The following ZRANB3 variants were observed in gnomAD, a reference collection of about 807,000 sequenced individuals.
ZRANB3 encodes zinc finger RANBP2-type containing 3.
In ZRANB3, 125 loss-of-function variants were observed where a neutral mutation model predicts 133.8. The observed-to-expected ratio is 0.93, with a 90% CI of 0.81 to 1.08. The LOEUF (loss-of-function observed/expected upper bound fraction) is 1.08, where lower values mean the gene tolerates loss of function less well. ZRANB3 is among the 50% of genes least tolerant of loss of function. The pLI is 0.00. For synonymous variants in ZRANB3, 387 were observed against 432.7 expected (o/e 0.89, Z 1.31); for missense variants, 1,229 against 1,275.5 (o/e 0.96, Z 0.56).
chr2:135,525,667 G>T (rs1453237681), intron 1 of ZRANB3, among the ~76,000 whole-genome samples: 1 of 152,066 alleles, frequency 6.6e-6, no homozygotes, highest in Non-Finnish European at 1.5e-5. Context: ...GGCCAACATG[G>T]CGAAACCCCG....
chr2:135,462,582 C>CCT (rs746297328), intron 2 of ZRANB3, among the ~76,000 whole-genome samples: 4 of 149,262 alleles, frequency 2.7e-5, no homozygotes, highest in Non-Finnish European at 4.4e-5. Context: ...TTCCTCCCTC[C>CCT]CTCTCTCTCT....
rs143744900 is a variant in ZRANB3 at position 135,226,209 on chromosome 2, C to A, written c.2158+1603G>T. ...ATCAGCTATATTAGGGAACATATTT[C>A]TCTTTTCAGTGTTGCCATGAAGTGT... On this transcript the variant is annotated intron_variant, in intron 14 of 20. Transcript: ENST00000264159. Among the ~76,000 whole-genome samples, 11 of 152,262 alleles carry A rather than the reference C, an allele frequency of 7.2e-5. No homozygotes were observed. In the East Asian group the frequency reaches 1.3e-3, roughly 19 times the overall value.
rs1687995543 is a variant in ZRANB3, at chr2:135,405,888, C to A, written c.162-15068G>T. Among the ~76,000 whole-genome samples, 4 of 152,092 alleles carry A rather than the reference C, an allele frequency of 2.6e-5. No individual in the cohort carries two copies. The South Asian group carries it at 8.3e-4, about 32-fold the overall frequency. ...AAGCAGGAAAGATCTAAAATTGACA[C>A]CCTAACATCACAATTAAAAGAAGTA... On this transcript the variant is annotated intron_variant, in intron 2 of 20. Coordinates refer to ENST00000264159, the MANE Select transcript of ZRANB3 (RefSeq NM_032143.4).
intron 8 of ZRANB3, among the ~76,000 whole-genome samples, chr2:135,280,526 C>A (rs1681054058): frequency 6.6e-6 from 1 of 152,034 alleles, no homozygotes; most frequent in East Asian, 1.9e-4. Flanking sequence ...GAGATCACAC[C>A]ATTGCACTCC....
intron 1 of ZRANB3, among the ~76,000 whole-genome samples, chr2:135,514,216 G>C (rs1693601976): frequency 6.6e-6 from 1 of 152,152 alleles, no homozygotes; most frequent in African/African-American, 2.4e-5. Context: ...CATTGAATCT[G>C]TAAGTTACTT....
intron 6 of ZRANB3, among the ~76,000 whole-genome samples, chr2:135,331,529 T>C (rs1337305233): frequency 6.6e-6 from 1 of 152,194 alleles, no homozygotes; most frequent in Admixed American, 6.6e-5. Context: ...AGAATGTATA[T>C]TCTGTTGATT....
intron 2 of ZRANB3, among the ~76,000 whole-genome samples, chr2:135,400,256 A>AAAAT (rs148153663): frequency 1.1e-3 from 172 of 151,846 alleles, no homozygotes; most frequent in Non-Finnish European, 1.5e-3. Flanking sequence ...AGTAATAATA[A>AAAAT]AAATAAATAA....
At chr2:135,486,664 C>A (rs1692137859) in intron 2 of ZRANB3, among the ~76,000 whole-genome samples, 1 of 152,130 alleles carries the variant, frequency 6.6e-6, no homozygotes, top group South Asian at 2.1e-4. Context: ...CAGGTGGTTG[C>A]CAGCATGCCT....
chr2:135,210,646 A>G (rs1694058704), intron 17 of ZRANB3, among the ~76,000 whole-genome samples: 1 of 150,806 alleles, frequency 6.6e-6, no homozygotes, highest in Non-Finnish European at 1.5e-5. Flanking sequence ...GAAATAGTTT[A>G]TTTTTGGCCT....
At chr2:135,294,842 A>G (rs927099734) in intron 8 of ZRANB3, among the ~76,000 whole-genome samples, 2 of 152,010 alleles carry the variant, frequency 1.3e-5, no homozygotes, top group African/African-American at 4.8e-5. Context: ...TTCTGCCTTC[A>G]TTTCATTATG....
chr2:135,355,987 G>A (rs1685413085), intron 3 of ZRANB3, among the ~76,000 whole-genome samples: 1 of 152,088 alleles, frequency 6.6e-6, no homozygotes, highest in Admixed American at 6.6e-5. Context: ...CCAGTCACCT[G>A]TCTATCTATA....
At chr2:135,514,720 T>C (rs1177209352) in intron 1 of ZRANB3, among the ~76,000 whole-genome samples, 1 of 152,230 alleles carries the variant, frequency 6.6e-6, no homozygotes, top group Non-Finnish European at 1.5e-5. Context: ...GTGCCAGCTT[T>C]CAAAGAGAAT....
intron 3 of ZRANB3, among the ~76,000 whole-genome samples, 175 bp downstream of exon 3, chr2:135,390,627 T>C (rs1574023791): frequency 2.0e-5 from 3 of 151,418 alleles, no homozygotes; most frequent in Admixed American, 6.6e-5. Context: ...CACACACACA[T>C]TCATTCATTC....
chr2:135,395,888 A>G (rs1459425507), intron 2 of ZRANB3, among the ~76,000 whole-genome samples: 1 of 152,238 alleles, frequency 6.6e-6, no homozygotes, highest in Non-Finnish European at 1.5e-5. Context: ...GACAACCCAC[A>G]GAATGGGAGA....
At chr2:135,458,165 A>G (rs1478757312) in intron 2 of ZRANB3, among the ~76,000 whole-genome samples, 1 of 152,120 alleles carries the variant, frequency 6.6e-6, no homozygotes, top group African/African-American at 2.4e-5. Context: ...TCTCTCCCCC[A>G]ATGAGTAAGC....
intron 1 of ZRANB3, among the ~76,000 whole-genome samples, chr2:135,508,250 G>A (rs950105371): frequency 5.9e-5 from 9 of 152,220 alleles, no homozygotes; most frequent in African/African-American, 2.2e-4. Context: ...CCATTCTCCT[G>A]CCTCAGCCTC....
intron 3 of ZRANB3, among the ~76,000 whole-genome samples, chr2:135,364,534 G>A (rs1184164387): frequency 2.0e-5 from 3 of 152,052 alleles, no homozygotes; most frequent in African/African-American, 7.2e-5. Flanking sequence ...GATAACTTGA[G>A]GTCAAGAGTT....
intron 3 of ZRANB3, among the ~76,000 whole-genome samples, chr2:135,387,369 T>C (rs1481003363): frequency 6.6e-6 from 1 of 152,314 alleles, no homozygotes; most frequent in Admixed American, 6.5e-5. Flanking sequence ...GAAAACAGAA[T>C]GAAGGTAGAG....
At chr2:135,484,929 G>T (rs1017418880) in intron 2 of ZRANB3, among the ~76,000 whole-genome samples, 2 of 151,756 alleles carry the variant, frequency 1.3e-5, no homozygotes, top group African/African-American at 4.8e-5. Context: ...CCAGCTACTC[G>T]GGAGGTAGAG....
Sources: allele counts gnomAD v4.1 joint callset (sites outside exome capture counted in the v4.1 genomes callset), GRCh38; gene constraint gnomAD v4.1.1; transcripts MANE v1.5; gene names NCBI Gene and HGNC (gene_info 2026-07-23, HGNC 2026-07-21).